FRMD5: variants seen among roughly 807,000 people sequenced by gnomAD.
FRMD5 encodes the protein FERM domain-containing protein 5.
A neutral mutation model predicts 69.0 loss-of-function variants in FRMD5; 20 were observed. The ratio of observed to expected loss-of-function variants is 0.29; its 90% CI spans 0.20 to 0.42. The LOEUF (loss-of-function observed/expected upper bound fraction) is 0.42. Ranked by LOEUF, FRMD5 falls within the 10% of genes least tolerant of loss-of-function variation. FRMD5 has a pLI of 1.00. For synonymous variants in FRMD5, 271 were observed against 260.1 expected (o/e 1.04, Z -0.40); for missense variants, 595 against 708.6 (o/e 0.84, Z 1.82).
At chr15:44,045,165 T>C (rs1226621845) in intron 1 of FRMD5, among the ~76,000 whole-genome samples, 2 of 152,216 alleles carry the variant, frequency 1.3e-5, no homozygotes, top group Non-Finnish European at 1.5e-5. Flanking sequence ...AAATGTTCAG[T>C]TCAGTGTAAA....
intron 1 of FRMD5, among the ~76,000 whole-genome samples, chr15:44,148,568 A>G (rs577833056): frequency 1.3e-5 from 2 of 152,000 alleles, no homozygotes; most frequent in South Asian, 4.2e-4. Flanking sequence ...ACCGTGCCCA[A>G]CCTACATTTT....
chr15:44,094,506 C>T (rs1261684124), intron 1 of FRMD5, among the ~76,000 whole-genome samples: 1 of 152,200 alleles, frequency 6.6e-6, no homozygotes, highest in Non-Finnish European at 1.5e-5. Flanking sequence ...CAAACTCCCA[C>T]TAAACAGTGT....
chr15:44,162,057 C>G (rs1280527265), intron 1 of FRMD5, among the ~76,000 whole-genome samples: 1 of 152,068 alleles, frequency 6.6e-6, no homozygotes, highest in Non-Finnish European at 1.5e-5. Context: ...CTCCACTTCC[C>G]AGGTTCAAGC....
intron 1 of FRMD5, among the ~76,000 whole-genome samples, chr15:43,971,388 T>C (rs1421080552): frequency 2.6e-4 from 39 of 152,148 alleles, no homozygotes; most frequent in Admixed American, 2.6e-3. Context: ...CATCTGCTAC[T>C]ATTTTTTCTT....
chr15:43,874,023 A>G lies in FRMD5; in HGVS notation c.1575T>C (p.Ser525=), dbSNP rs780660577. 3.1e-6 allele frequency: 5 copies of G among 1,614,256 alleles called. No individual in the cohort carries two copies. Among genetic ancestry groups the G allele is most frequent in the Non-Finnish European group, 4.2e-6 (5 of 1,180,040 alleles). The part of the protein sequence containing the change: ...LLLLLIILTE[S]DLDIAFFRDI... ...CACGGAAAAAGGCAATGTCAAGGTC[A>G]GACTCGGTAAGGATGATCAGGAGGA... Residue 525 remains serine, a synonymous_variant, in exon 14 of 14, where the codon TCT becomes TCC. Transcript: ENST00000417257.
At chr15:43,893,978 T>C (rs1273369622) in intron 7 of FRMD5, among the ~76,000 whole-genome samples, 1 of 152,232 alleles carries the variant, frequency 6.6e-6, no homozygotes, top group African/African-American at 2.4e-5. Context: ...GTTATTATCC[T>C]TTCCTCAGGG....
intron 1 of FRMD5, chr15:43,989,722 G>C: frequency 1.0e-6 from 1 of 998,964 alleles, no homozygotes; most frequent in Non-Finnish European, 1.6e-6. Flanking sequence ...CGTCATCGTA[G>C]TCCATCACGA....
Position 43,873,871 on chromosome 15 carries a change from GGA to G in FRMD5, c.*12_*13del. ...TGGTCCACCTGGCTAGTTTTTGGGA[GGA>G]GTCATGCCTTCTCAGGTGTCAATGA... On this transcript the variant is annotated 3_prime_UTR_variant, in exon 14 of 14. Coordinates refer to ENST00000417257, the MANE Select transcript of FRMD5 (RefSeq NM_032892.5). 1 of 1,610,370 alleles carries G rather than the reference GGA, an allele frequency of 6.2e-7. No individual in the cohort carries two copies. The highest frequency in any genetic ancestry group is 2.2e-5 in the East Asian group (1 of 44,772).
intron 1 of FRMD5, among the ~76,000 whole-genome samples, chr15:44,049,035 G>A (rs1213146036): frequency 6.6e-6 from 1 of 152,186 alleles, no homozygotes; most frequent in Admixed American, 6.5e-5. Flanking sequence ...AATTGCAATA[G>A]TGCAACCAAC....
At position 43,874,074 on chromosome 15, in the gene FRMD5, G is replaced by A. The variant is rs377169436; in HGVS notation, c.1524C>T (p.Thr508=). ...GGAGCAAAACAAAGAGGAGTCCCAT[G>A]GTCACAAGGAGCAAACGGAGGACAC... is the stretch of plus-strand genomic sequence containing the variant. ...VLSVLRLLLV[T]MGLLFVLLLL... is the part of the protein sequence containing the mutation. The change falls in exon 14 of 14, where the codon ACC becomes ACT. Residue 508 remains threonine, a synonymous_variant. Coordinates refer to ENST00000417257, the MANE Select transcript of FRMD5 (RefSeq NM_032892.5). 4 of 1,614,126 alleles carry A rather than the reference G, an allele frequency of 2.5e-6. No homozygotes were observed. Among genetic ancestry groups the A allele is most frequent in the African/African-American group, 2.7e-5 (2 of 74,936 alleles).
At chr15:44,046,036 G>A (rs1801841364) in intron 1 of FRMD5, among the ~76,000 whole-genome samples, 1 of 152,036 alleles carries the variant, frequency 6.6e-6, no homozygotes, top group African/African-American at 2.4e-5. Flanking sequence ...CAGTACCTTA[G>A]AAATCAGCTC....
At chr15:43,933,951 G>A (rs1214833484) in intron 1 of FRMD5, among the ~76,000 whole-genome samples, 1 of 152,240 alleles carries the variant, frequency 6.6e-6, no homozygotes, top group African/African-American at 2.4e-5. Context: ...CAGGGAGTCT[G>A]TTCCAGAACA....
intron 1 of FRMD5, among the ~76,000 whole-genome samples, chr15:44,038,226 C>T (rs1892011939): frequency 6.6e-6 from 1 of 152,092 alleles, no homozygotes; most frequent in African/African-American, 2.4e-5. Context: ...AAAATGTTCT[C>T]CCATTCTGTA....
chr15:44,122,119 T>G (rs2076961271), intron 1 of FRMD5, among the ~76,000 whole-genome samples: 1 of 152,054 alleles, frequency 6.6e-6, no homozygotes, highest in South Asian at 2.1e-4. Context: ...AATAAAAATT[T>G]CATTAAAAAA....
At chr15:43,980,973 G>A (rs2090539335) in intron 1 of FRMD5, among the ~76,000 whole-genome samples, 1 of 152,092 alleles carries the variant, frequency 6.6e-6, no homozygotes, top group Non-Finnish European at 1.5e-5. Context: ...TGGACCAGAA[G>A]GCTTACTGAT....
At position 44,168,246 on chromosome 15, in the gene FRMD5, T is replaced by C. The variant is rs144380917; in HGVS notation, c.102+26707A>G. Among the ~76,000 whole-genome samples the C allele has an allele frequency of 3.9e-3, 600 of 152,350 alleles. 5 individuals are homozygous for C. The highest frequency in any genetic ancestry group is 0.014 in the African/African-American group (562 of 41,582). ...TATGTGGCTGTTTAAACACAAGTCT[T>C]GTGATCTTTGAGTGACTTCCCAAGC... is the stretch of plus-strand genomic sequence containing the variant. On this transcript the variant is annotated intron_variant, in intron 1 of 13. Transcript: ENST00000417257.
At chr15:44,168,895 C>T (rs2077754267) in intron 1 of FRMD5, among the ~76,000 whole-genome samples, 1 of 152,210 alleles carries the variant, frequency 6.6e-6, no homozygotes, top group Non-Finnish European at 1.5e-5. Context: ...CCTGCTGCTA[C>T]AAGCCTCCTT....
intron 1 of FRMD5, among the ~76,000 whole-genome samples, chr15:44,114,591 T>C (rs942865268): frequency 2.6e-5 from 4 of 152,226 alleles, no homozygotes; most frequent in Admixed American, 6.5e-5. Flanking sequence ...TCAAGAGCCA[T>C]GTAACTGTTC....
chr15:43,933,383 G>A (rs544584087), intron 1 of FRMD5, among the ~76,000 whole-genome samples: 1 of 152,296 alleles, frequency 6.6e-6, no homozygotes, highest in South Asian at 2.1e-4. Flanking sequence ...GAATCACCTG[G>A]AGGGCTTGTT....
Sources: gnomAD v4.1 joint callset for allele counts (sites outside exome capture counted in the v4.1 genomes callset) on GRCh38, gnomAD v4.1.1 for gene constraint, MANE v1.5 for transcripts, NCBI Gene and HGNC (gene_info 2026-07-23, HGNC 2026-07-21) for gene names.